ZNF425: variants seen among roughly 807,000 people sequenced by gnomAD.
ZNF425 encodes the protein zinc finger protein 425.
A neutral mutation model predicts 17.0 loss-of-function variants in ZNF425; 21 were observed. That is an observed-to-expected ratio of 1.23 (90% CI 0.88 to 1.78). The LOEUF (loss-of-function observed/expected upper bound fraction) is 1.78, where lower values mean the gene tolerates loss of function less well. Among genes scored for constraint, ZNF425 ranks in the 40% most tolerant of loss-of-function variants. ZNF425 has a pLI of 0.00. For missense variants in ZNF425, 868 were observed against 967.3 expected (o/e 0.90, Z 1.36); for synonymous variants, 433 against 384.1 (o/e 1.13, Z -1.49).
chr7:149,112,541 G>A (rs1826190763), intron 2 of ZNF425: 2 of 366,546 alleles, frequency 5.5e-6, no homozygotes, highest in Admixed American at 4.5e-5. Flanking sequence ...GCTGAAGTGC[G>A]AGAATCACTT....
chr7:149,117,843 G>A (rs945987480), intron 2 of ZNF425, among the ~76,000 whole-genome samples: 1 of 151,622 alleles, frequency 6.6e-6, no homozygotes, highest in Non-Finnish European at 1.5e-5. Context: ...GTAGAGACAG[G>A]GCTTCTCCAT....
intron 3 of ZNF425, among the ~76,000 whole-genome samples, chr7:149,109,576 T>C (rs1353096197): frequency 1.3e-5 from 2 of 152,172 alleles, no homozygotes; most frequent in Non-Finnish European, 2.9e-5. Context: ...TAGCACAGAA[T>C]TAGGGATTAC....
At position 149,105,100 on chromosome 7, in the gene ZNF425, C is replaced by T; in HGVS notation, c.771G>A (p.Leu257=). The change falls in exon 4 of 4, where the codon CTG becomes CTA. Residue 257 remains leucine, a synonymous_variant. Transcript: ENST00000378061. The stretch of plus-strand genomic sequence containing the variant: ...CCTGATGAGTGACGAGGCTGCCCTT[C>T]AGGAAGTAGCTCTTCTCACACTCAC... ...QCSECEKSYF[L]KGSLVTHQVV... 6 of 1,614,222 alleles carry T rather than the reference C, an allele frequency of 3.7e-6. No individual in the cohort carries two copies. The highest frequency in any genetic ancestry group is 5.1e-6 in the Non-Finnish European group (6 of 1,180,028).
intron 1 of ZNF425, among the ~76,000 whole-genome samples, chr7:149,121,670 C>T (rs1358893476): frequency 1.3e-5 from 2 of 151,772 alleles, no homozygotes; most frequent in African/African-American, 4.8e-5. Context: ...GATTACAGGC[C>T]TGAGCCATTA....
chr7:149,105,004 C>G lies in ZNF425; in HGVS notation c.867G>C (p.Leu289=). ...CGCGGTGTAGACACAGGTGCTTCTT[C>G]AGGTTGGCCCTGTACCGGAAGGTCT... The part of the protein sequence containing the change: ...CDKTFRYRAN[L]KKHLCLHRGE... Residue 289 remains leucine, a synonymous_variant, in exon 4 of 4, where the codon CTG becomes CTC. Transcript: ENST00000378061. 1 of 1,614,204 alleles carries G rather than the reference C, an allele frequency of 6.2e-7. No individual in the cohort carries two copies. The highest frequency in any genetic ancestry group is 8.5e-7 in the Non-Finnish European group (1 of 1,180,046).
intron 1 of ZNF425, among the ~76,000 whole-genome samples, chr7:149,121,461 G>A (rs138524726): frequency 0.036 from 5,419 of 149,616 alleles, 321 homozygotes; most frequent in African/African-American, 0.13. Context: ...GTGTGATCTC[G>A]GCTTACCACA....
chr7:149,110,487 A>T (rs1371155017), intron 3 of ZNF425, among the ~76,000 whole-genome samples: 1 of 149,472 alleles, frequency 6.7e-6, no homozygotes, highest in African/African-American at 2.5e-5. Flanking sequence ...AATTGCTTGA[A>T]CCCAGGAGAT....
At chr7:149,108,806 C>T (rs966223963) in intron 3 of ZNF425, among the ~76,000 whole-genome samples, 19 of 152,122 alleles carry the variant, frequency 1.2e-4, no homozygotes, top group African/African-American at 3.9e-4. Flanking sequence ...GCAGGGGAAT[C>T]GTTTGAATCC....
At position 149,105,246 on chromosome 7, in the gene ZNF425, T is replaced by A. The variant is rs1342576639; in HGVS notation, c.625A>T (p.Lys209Ter). ...AGCTGGCTCTTGGAGTGGCTCCGTT[T>A]GTGCTTTAGCAAATCCCTCCTTACT... is the stretch of plus-strand genomic sequence containing the variant. ...FQVRRDLLKH[K>*]RSHSKSQLCR... The change falls in exon 4 of 4, where the codon AAA becomes TAA. Residue 209 changes from lysine (K) to a stop codon, truncating the protein, a stop_gained. Coordinates refer to ENST00000378061, the MANE Select transcript of ZNF425 (RefSeq NM_001001661.3). LOFTEE classifies it low-confidence loss of function (END_TRUNC). The A allele has an allele frequency of 1.2e-6, 2 of 1,614,110 alleles. No individual in the cohort carries two copies. The highest frequency in any genetic ancestry group is 3.3e-5 in the Admixed American group (2 of 60,000).
chr7:149,116,186 C>T (rs934816868), intron 2 of ZNF425, among the ~76,000 whole-genome samples: 4 of 152,166 alleles, frequency 2.6e-5, no homozygotes, highest in Admixed American at 2.6e-4. Context: ...TGATCCCAAA[C>T]CAGCCCCATA....
chr7:149,125,356 C>G (rs971363714), intron 1 of ZNF425, among the ~76,000 whole-genome samples: 2 of 152,162 alleles, frequency 1.3e-5, no homozygotes, highest in Non-Finnish European at 2.9e-5. Flanking sequence ...CTCAAATTTT[C>G]AATACTACAT....
chr7:149,112,296 C>T lies in ZNF425; in HGVS notation c.146-1G>A, dbSNP rs377497777. 6.2e-7 allele frequency: 1 copy of T among 1,612,628 alleles called. No individual in the cohort carries two copies. Among genetic ancestry groups the T allele is most frequent in the Non-Finnish European group, 8.5e-7 (1 of 1,179,452 alleles). On this transcript the variant is annotated splice_acceptor_variant, in intron 2 of 3. Coordinates refer to ENST00000378061, the MANE Select transcript of ZNF425 (RefSeq NM_001001661.3). LOFTEE classifies it high-confidence loss of function. Reference sequence around the variant, plus strand: ...AAATCTGGCTTGGAAAAAGCATACCCTGCAAATAGAGTCCACACAGACTTT... The same window carrying T: ...AAATCTGGCTTGGAAAAAGCATACCTTGCAAATAGAGTCCACACAGACTTT...
At chr7:149,115,452 G>A (rs1404148800) in intron 2 of ZNF425, among the ~76,000 whole-genome samples, 3 of 151,150 alleles carry the variant, frequency 2.0e-5, no homozygotes, top group East Asian at 4.0e-4. Context: ...TCAGGAGTTC[G>A]AGACCACCCT....
intron 2 of ZNF425, among the ~76,000 whole-genome samples, chr7:149,114,998 G>A (rs1370123828): frequency 4.6e-5 from 6 of 130,218 alleles, no homozygotes; most frequent in African/African-American, 1.7e-4. Flanking sequence ...GCAGAGTTGT[G>A]ATCTTGGCTC....
intron 2 of ZNF425, among the ~76,000 whole-genome samples, chr7:149,116,538 C>A (rs936079746): frequency 2.0e-5 from 3 of 152,124 alleles, no homozygotes; most frequent in African/African-American, 4.8e-5. Flanking sequence ...TGAAATCGCA[C>A]CAGAACGGCC....
chr7:149,125,244 A>G (rs1417391363), intron 1 of ZNF425, among the ~76,000 whole-genome samples: 1 of 152,222 alleles, frequency 6.6e-6, no homozygotes, highest in East Asian at 1.9e-4. Context: ...CATTGGGGGC[A>G]CAAGAAAAAC....
At position 149,105,359 on chromosome 7, in the gene ZNF425, C is replaced by T. The variant is rs2129517733; in HGVS notation, c.512G>A (p.Arg171Gln). The T allele has an allele frequency of 1.2e-6, 2 of 1,613,252 alleles. No individual in the cohort carries two copies. Among genetic ancestry groups the T allele is most frequent in the Non-Finnish European group, 1.7e-6 (2 of 1,179,722 alleles). ...TAYDPDKKDL[R>Q]HKPRETPGRL... Reference sequence around the variant, plus strand: ...CCCTGGGGTCTCCCGAGGCTTATGCCGCAGGTCTTTCTTGTCTGGATCATA... The same window carrying T: ...CCCTGGGGTCTCCCGAGGCTTATGCTGCAGGTCTTTCTTGTCTGGATCATA... The change falls in exon 4 of 4, where the codon CGG becomes CAG. Residue 171 changes from arginine (R) to glutamine (Q), a missense_variant. This residue lies in a region of ZNF425 where 179 missense variants were observed against 216.3 expected (regional missense o/e 0.83). Coordinates refer to ENST00000378061, the MANE Select transcript of ZNF425 (RefSeq NM_001001661.3).
chr7:149,107,263 A>G (rs1337671040), intron 3 of ZNF425, among the ~76,000 whole-genome samples: 1 of 151,916 alleles, frequency 6.6e-6, no homozygotes, highest in Non-Finnish European at 1.5e-5. Context: ...TTCACAAATA[A>G]CACTGTAGAA....
At chr7:149,118,528 A>G in intron 1 of ZNF425, 180 bp from the exon 2 acceptor site, 1 of 723,374 alleles carries the variant, frequency 1.4e-6, no homozygotes, top group Non-Finnish European at 2.2e-6. Context: ...AAATGAATGA[A>G]TGGGCCGGGC....
Sources: allele counts gnomAD v4.1 joint callset (sites outside exome capture counted in the v4.1 genomes callset), GRCh38; gene constraint gnomAD v4.1.1; regional missense constraint gnomAD v4.1.1; transcripts MANE v1.5; gene names NCBI Gene and HGNC (gene_info 2026-07-23, HGNC 2026-07-21).